The following JMJD1C variants were observed in gnomAD, a reference collection of about 807,000 sequenced individuals.
JMJD1C encodes the protein jumonji domain-containing protein 1C.
A neutral mutation model predicts 245.3 loss-of-function variants in JMJD1C; 31 were observed. That is an observed-to-expected ratio of 0.13 (90% CI 0.09 to 0.17). JMJD1C has a LOEUF of 0.17. JMJD1C is among the 10% of genes least tolerant of loss of function. JMJD1C has a pLI of 1.00. For synonymous variants in JMJD1C, 1,057 were observed against 1,017.4 expected, an observed-to-expected ratio of 1.04 and a Z score of -0.74; for missense variants, 2,691 against 3,000.2, an observed-to-expected ratio of 0.90 and a Z score of 2.41.
chr10:63,440,646 C>G (rs1951329108), intron 1 of JMJD1C, among the ~76,000 whole-genome samples: 1 of 152,080 alleles, frequency 6.6e-6, no homozygotes, highest in African/African-American at 2.4e-5. Flanking sequence ...CAGGAGACAA[C>G]TGAGTCTCAG....
intron 1 of JMJD1C, among the ~76,000 whole-genome samples, chr10:63,511,084 T>C (rs1261249988): frequency 6.6e-6 from 1 of 152,260 alleles, no homozygotes; most frequent in Non-Finnish European, 1.5e-5. Flanking sequence ...AGTGGGTTTC[T>C]AGTTGATAAC....
intron 2 of JMJD1C, among the ~76,000 whole-genome samples, chr10:63,271,053 A>G (rs1234253710): frequency 6.6e-6 from 1 of 152,214 alleles, no homozygotes. Context: ...GTTTTATTGT[A>G]GAAATTACAT....
intron 2 of JMJD1C, among the ~76,000 whole-genome samples, chr10:63,342,644 T>C (rs1943478622): frequency 1.3e-5 from 2 of 152,250 alleles, no homozygotes; most frequent in Admixed American, 1.3e-4. Context: ...ACTGTGCTGA[T>C]TAGTTACAGT....
chr10:63,251,510 C>G (rs1853069814), intron 3 of JMJD1C, among the ~76,000 whole-genome samples: 1 of 152,096 alleles, frequency 6.6e-6, no homozygotes, highest in African/African-American at 2.4e-5. Context: ...TTGAGTGAAG[C>G]AATCTGAAGA....
chr10:63,457,748 G>A lies in JMJD1C; in HGVS notation c.168+7747C>T, dbSNP rs190266445. Reference sequence around the variant, plus strand: ...AGAGTCTGTGAATCACAAACCATTGGCAGAAGCAATATGGCAGAGTACAGA... The same window carrying A: ...AGAGTCTGTGAATCACAAACCATTGACAGAAGCAATATGGCAGAGTACAGA... On this transcript the variant is annotated intron_variant, in intron 1 of 25. Transcript: ENST00000399262. 1.6e-3 allele frequency among the ~76,000 whole-genome samples: 238 copies of A among 152,262 alleles called. 2 individuals are homozygous for A. The highest frequency in any genetic ancestry group is 1.4e-3 in the Non-Finnish European group (93 of 68,006).
chr10:63,193,232 G>GA (rs1845057809), intron 15 of JMJD1C, 81 bp from the exon 16 acceptor site: 1 of 1,476,586 alleles, frequency 6.8e-7, no homozygotes, highest in Non-Finnish European at 9.3e-7. Context: ...AATTTACACA[G>GA]AAACACAGCA....
intron 8 of JMJD1C, among the ~76,000 whole-genome samples, chr10:63,213,178 C>A (rs1271832518): frequency 6.9e-6 from 1 of 144,130 alleles, no homozygotes; most frequent in African/African-American, 2.6e-5. Flanking sequence ...GAATGAGACT[C>A]CATCTCAAAA....
At position 63,313,162 on chromosome 10, in the gene JMJD1C, C is replaced by T. The variant is rs1564772026; in HGVS notation, c.334-48398G>A. Among the ~76,000 whole-genome samples, 3 of 152,194 alleles carry T rather than the reference C, an allele frequency of 2.0e-5. No individual in the cohort carries two copies. The South Asian group carries it at 6.2e-4, about 31-fold the overall frequency. ...TGATTCTTATGCCTTTGCATCCTCA[C>T]AGCTTAGCTCCCACTTATGAAAGAG... On this transcript the variant is annotated intron_variant, in intron 2 of 25. Transcript: ENST00000399262.
intron 3 of JMJD1C, chr10:63,222,453 A>C: frequency 1.0e-6 from 1 of 954,432 alleles, no homozygotes; most frequent in Non-Finnish European, 1.7e-6. Context: ...CTAAATCTTG[A>C]TGAAAACAAT....
intron 1 of JMJD1C, among the ~76,000 whole-genome samples, chr10:63,447,788 A>T (rs184833526): frequency 1.3e-5 from 2 of 152,078 alleles, no homozygotes; most frequent in African/African-American, 4.8e-5. Context: ...AAAATAAAAA[A>T]ATCAGCTGGG....
chr10:63,187,554 C>T (rs1420277811), intron 18 of JMJD1C, among the ~76,000 whole-genome samples: 1 of 152,162 alleles, frequency 6.6e-6, no homozygotes, highest in Non-Finnish European at 1.5e-5. Context: ...CTTCCTGCCT[C>T]AGCCTCCCAA....
rs71025135 is a variant in JMJD1C, at chr10:63,247,719, CA to C, written c.447+16931del. On this transcript the variant is annotated intron_variant, in intron 3 of 25. Coordinates refer to ENST00000399262, the MANE Select transcript of JMJD1C (RefSeq NM_032776.3). ...CGCACACCAGCCTGGGTGACAGAGC[CA>C]AAAAAAAAAAAAAAAAAAGAAACAA... Among the ~76,000 whole-genome samples the C allele has an allele frequency of 9.7e-4, 102 of 105,468 alleles. 1 individual carries two copies. Among genetic ancestry groups the C allele is most frequent in the African/African-American group, 2.4e-3 (66 of 27,526 alleles). 69.2% of individuals were successfully genotyped at this position (105,468 alleles called of 152,430 possible). A position where few individuals can be genotyped will look rare whatever the true frequency, so the allele number is the denominator to read the frequency against.
intron 2 of JMJD1C, among the ~76,000 whole-genome samples, chr10:63,334,099 A>C (rs1942447867): frequency 6.6e-6 from 1 of 152,222 alleles, no homozygotes. Flanking sequence ...AATACATTAG[A>C]TGCTGACCCA....
intron 13 of JMJD1C, 155 bp from the exon 14 acceptor site, chr10:63,194,530 C>G (rs1347176813): frequency 3.7e-6 from 2 of 542,144 alleles, no homozygotes; most frequent in Non-Finnish European, 3.3e-6. Flanking sequence ...AATAAAATGT[C>G]AATGATATGC....
At chr10:63,448,313 T>C (rs917025206) in intron 1 of JMJD1C, among the ~76,000 whole-genome samples, 2 of 152,084 alleles carry the variant, frequency 1.3e-5, no homozygotes, top group South Asian at 2.1e-4. Flanking sequence ...CATGCCACCA[T>C]GCCCAGCTCA....
intron 2 of JMJD1C, among the ~76,000 whole-genome samples, chr10:63,377,936 A>T (rs1428006140): frequency 1.3e-5 from 2 of 150,080 alleles, no homozygotes; most frequent in Non-Finnish European, 3.0e-5. Flanking sequence ...AAAAAAAAGG[A>T]ACCAGAGCAA....
At chr10:63,488,541 T>TA (rs34776341) in intron 1 of JMJD1C, among the ~76,000 whole-genome samples, 19,768 of 149,092 alleles carry the variant, frequency 0.13, 2,847 homozygotes, top group African/African-American at 0.36. Flanking sequence ...AAATGAATGT[T>TA]AAAAAAAAAA....
In JMJD1C at chr10:63,437,363, G is replaced by C. The variant is rs545451381; in HGVS notation, c.168+28132C>G. 2.0e-5 allele frequency among the ~76,000 whole-genome samples: 3 copies of C among 152,208 alleles called. No homozygotes were observed. The East Asian group carries it at 5.8e-4, about 29-fold the overall frequency. On this transcript the variant is annotated intron_variant, in intron 1 of 25. Coordinates refer to ENST00000399262, the MANE Select transcript of JMJD1C (RefSeq NM_032776.3). ...TTTCACTAAAAAGCAGAAGCAATCA[G>C]ATTTCCACAAGCTCTTACCTCTCTC...
Position 63,193,487 on chromosome 10 carries a change from G to A in JMJD1C, c.5735-15C>T. 1.3e-6 allele frequency: 2 copies of A among 1,553,386 alleles called. No individual in the cohort carries two copies. The highest frequency in any genetic ancestry group is 1.7e-6 in the Non-Finnish European group (2 of 1,149,526). Reference sequence around the variant, plus strand: ...ATCTGTCAAAACTACAAAATAAAATGGTAGTTAATAAAAAGATTACCACTA... The same window carrying A: ...ATCTGTCAAAACTACAAAATAAAATAGTAGTTAATAAAAAGATTACCACTA... On this transcript the variant is annotated splice_polypyrimidine_tract_variant and intron_variant, in intron 14 of 25. Transcript: ENST00000399262.
Sources: allele counts gnomAD v4.1 joint callset (sites outside exome capture counted in the v4.1 genomes callset), GRCh38; gene constraint gnomAD v4.1.1; transcripts MANE v1.5; gene names NCBI Gene and HGNC (gene_info 2026-07-23, HGNC 2026-07-21).